ARB2A: variants seen among roughly 807,000 people sequenced by gnomAD.
The protein encoded by ARB2A is ARB2 cotranscriptional regulator A.
the ARB2A span, among the ~76,000 whole-genome samples, chr5:93,722,735 T>C: frequency 1.3e-5 from 2 of 152,112 alleles, no homozygotes; most frequent in Non-Finnish European, 2.9e-5. Flanking sequence ...AGCGAGAGGT[T>C]ATTCCTCTGT....
chr5:93,764,870 G>C, the ARB2A span, among the ~76,000 whole-genome samples: 1 of 152,062 alleles, frequency 6.6e-6, no homozygotes. Flanking sequence ...TTCATTCCTG[G>C]GATGCAAGGC....
At chr5:93,678,964 G>C in the ARB2A span, among the ~76,000 whole-genome samples, 1 of 152,026 alleles carries the variant, frequency 6.6e-6, no homozygotes, top group Admixed American at 6.6e-5. Context: ...GTTTTTCTTA[G>C]ACATAAAAAC....
chr5:94,111,110 G>A, the ARB2A span, among the ~76,000 whole-genome samples: 1 of 152,182 alleles, frequency 6.6e-6, no homozygotes, highest in African/African-American at 2.4e-5. Context: ...TCCCTCTGCA[G>A]TGAATGACTT....
chr5:94,078,093 T>C, the ARB2A span, among the ~76,000 whole-genome samples: 24 of 152,318 alleles, frequency 1.6e-4, 1 homozygote, highest in Admixed American at 7.8e-4. Flanking sequence ...ACAAAAGCCT[T>C]ATTTTTTTCT....
chr5:94,088,367 T>G, the ARB2A span, among the ~76,000 whole-genome samples: 3 of 152,308 alleles, frequency 2.0e-5, no homozygotes, highest in Admixed American at 2.0e-4. Context: ...GCCCTACATC[T>G]TATAATAAAA....
chr5:93,670,717 A>G, the ARB2A span, among the ~76,000 whole-genome samples: 1 of 152,266 alleles, frequency 6.6e-6, no homozygotes, highest in Admixed American at 6.5e-5. Flanking sequence ...GAGAACTTAC[A>G]AACATAATAT....
At chr5:94,103,893 C>T in the ARB2A span, among the ~76,000 whole-genome samples, 1 of 151,066 alleles carries the variant, frequency 6.6e-6, no homozygotes, top group Non-Finnish European at 1.5e-5. Context: ...ATTAAACAAT[C>T]TGTTCCTGAA....
chr5:94,046,984 A>T, the ARB2A span, among the ~76,000 whole-genome samples: 1 of 152,238 alleles, frequency 6.6e-6, no homozygotes, highest in Non-Finnish European at 1.5e-5. Context: ...TAGCAATCAA[A>T]ACAAGTATTC....
At chr5:93,950,769 C>T in the ARB2A span, among the ~76,000 whole-genome samples, 1 of 151,700 alleles carries the variant, frequency 6.6e-6, no homozygotes, top group African/African-American at 2.4e-5. Flanking sequence ...AGGGTCAAAC[C>T]CTGTCTCTAC....
At chr5:94,035,427 T>C in the ARB2A span, among the ~76,000 whole-genome samples, 1 of 152,142 alleles carries the variant, frequency 6.6e-6, no homozygotes, top group Admixed American at 6.6e-5. Flanking sequence ...AAATCTTGAT[T>C]CATAATTACA....
At chr5:94,082,655 T>C in the ARB2A span, among the ~76,000 whole-genome samples, 1 of 152,162 alleles carries the variant, frequency 6.6e-6, no homozygotes, top group African/African-American at 2.4e-5. Context: ...TTTACCTAAA[T>C]GTGTTAACAA....
At chr5:93,804,509 A>G in the ARB2A span, among the ~76,000 whole-genome samples, 2 of 151,924 alleles carry the variant, frequency 1.3e-5, no homozygotes, top group African/African-American at 2.4e-5. Context: ...TAATAATTCA[A>G]TATTATTAAA....
the ARB2A span, among the ~76,000 whole-genome samples, chr5:93,981,119 T>G: frequency 4.0e-5 from 6 of 151,316 alleles, no homozygotes; most frequent in South Asian, 1.3e-3. Context: ...CAGGCTGGAG[T>G]GTGCAATGGC....
the ARB2A span, among the ~76,000 whole-genome samples, chr5:93,819,813 A>G: frequency 2.0e-5 from 3 of 152,242 alleles, no homozygotes; most frequent in South Asian, 2.1e-4. Context: ...GTCCAAAACC[A>G]GTCCTCTATC....
the ARB2A span, chr5:93,733,561 C>T: frequency 3.9e-5 from 6 of 152,114 alleles, no homozygotes; most frequent in African/African-American, 9.7e-5. Flanking sequence ...TGGAAATGCA[C>T]ATTTTAAAAG....
chr5:93,777,819 T>C, the ARB2A span, among the ~76,000 whole-genome samples: 1 of 152,140 alleles, frequency 6.6e-6, no homozygotes, highest in Non-Finnish European at 1.5e-5. Context: ...GAGGAGAGAA[T>C]TTCAAAGGCC....
At chr5:93,966,248 T>C in the ARB2A span, among the ~76,000 whole-genome samples, 1 of 152,002 alleles carries the variant, frequency 6.6e-6, no homozygotes, top group Non-Finnish European at 1.5e-5. Context: ...ATCCTTACAT[T>C]TGAAGTAACA....
the ARB2A span, among the ~76,000 whole-genome samples, chr5:93,970,902 A>G: frequency 6.6e-6 from 1 of 152,208 alleles, no homozygotes; most frequent in African/African-American, 2.4e-5. Context: ...AAGCAATATG[A>G]TTTATCACAC....
the ARB2A span, among the ~76,000 whole-genome samples, chr5:93,889,280 G>C: frequency 4.0e-5 from 6 of 151,788 alleles, no homozygotes; most frequent in Non-Finnish European, 7.4e-5. Context: ...GAGGATGTGT[G>C]TTTGTGCGTG....
Sources: allele counts gnomAD v4.1 joint callset (sites outside exome capture counted in the v4.1 genomes callset), GRCh38; gene constraint gnomAD v4.1.1; transcripts MANE v1.5; gene names NCBI Gene and HGNC (gene_info 2026-07-23, HGNC 2026-07-21).